SBF2: variants seen among roughly 807,000 people sequenced by gnomAD.
SBF2 encodes SET binding factor 2, also known as myotubularin-related protein 13.
A neutral mutation model predicts 225.2 loss-of-function variants in SBF2; 112 were observed. The ratio of observed to expected loss-of-function variants is 0.50; its 90% CI spans 0.43 to 0.58. The LOEUF (loss-of-function observed/expected upper bound fraction) is 0.58. Among genes scored for constraint, SBF2 ranks in the 20% least tolerant of loss-of-function variants. SBF2 has a pLI of 0.00. For missense variants in SBF2, 1,996 were observed against 2,206.2 expected (o/e 0.90, Z 1.91); for synonymous variants, 763 against 773.3 (o/e 0.99, Z 0.22).
chr11:10,002,807 T>C, intron 6 of SBF2, 118 bp from the exon 7 acceptor site: 5 of 916,852 alleles, frequency 5.5e-6, no homozygotes, highest in Non-Finnish European at 8.9e-6. Context: ...TGAAGGAAAA[T>C]ACTTGGTTAA....
chr11:10,196,867 T>TATATATATATA (rs1409393179), intron 1 of SBF2, among the ~76,000 whole-genome samples: 13 of 38,554 alleles, frequency 3.4e-4, no homozygotes, highest in African/African-American at 9.7e-4. Context: ...TATATATATA[T>TATATATATATA]TTTTTTTTTC....
At chr11:10,053,738 A>G (rs1412893804) in intron 2 of SBF2, among the ~76,000 whole-genome samples, 1 of 151,400 alleles carries the variant, frequency 6.6e-6, no homozygotes, top group Non-Finnish European at 1.5e-5. Flanking sequence ...CTTGGTGAAG[A>G]GTGAGACCTT....
At chr11:10,062,663 G>A (rs1182527785) in intron 2 of SBF2, among the ~76,000 whole-genome samples, 2 of 152,092 alleles carry the variant, frequency 1.3e-5, no homozygotes. Context: ...CAGTCAGAAC[G>A]GCTATATTAA....
intron 16 of SBF2, among the ~76,000 whole-genome samples, chr11:9,941,240 A>G (rs185766056): frequency 1.8e-4 from 27 of 152,308 alleles, no homozygotes; most frequent in African/African-American, 6.5e-4. Context: ...ACTTGAGCCC[A>G]TAAGTTTGAG....
intron 16 of SBF2, among the ~76,000 whole-genome samples, chr11:9,956,050 T>C (rs554992786): frequency 6.6e-6 from 1 of 152,264 alleles, no homozygotes; most frequent in East Asian, 1.9e-4. Context: ...TTTTTATTTT[T>C]GTACAGAATT....
At chr11:9,909,594 C>T (rs1053512986) in intron 16 of SBF2, among the ~76,000 whole-genome samples, 2 of 150,684 alleles carry the variant, frequency 1.3e-5, no homozygotes, top group African/African-American at 4.9e-5. Flanking sequence ...GGCATGAACC[C>T]GGGAGGTGGA....
intron 2 of SBF2, among the ~76,000 whole-genome samples, chr11:10,077,156 C>A (rs1287856286): frequency 4.6e-5 from 7 of 152,210 alleles, no homozygotes; most frequent in Admixed American, 1.3e-4. Context: ...TAAAAGAGGA[C>A]ACAAACAAAT....
chr11:10,251,020 T>G (rs1489675202), intron 1 of SBF2, among the ~76,000 whole-genome samples: 9 of 152,210 alleles, frequency 5.9e-5, no homozygotes, highest in Admixed American at 5.9e-4. Context: ...ATTTTTTCCT[T>G]ATTTATGCCT....
intron 1 of SBF2, among the ~76,000 whole-genome samples, chr11:10,208,696 AG>A (rs1347782752): frequency 6.6e-6 from 1 of 152,136 alleles, no homozygotes; most frequent in Non-Finnish European, 1.5e-5. Flanking sequence ...CAGAATATTT[AG>A]CCTCCCTTGA....
intron 16 of SBF2, among the ~76,000 whole-genome samples, chr11:9,950,341 G>C (rs1865787383): frequency 6.6e-6 from 1 of 152,122 alleles, no homozygotes; most frequent in South Asian, 2.1e-4. Context: ...CTGTTGAAAA[G>C]TTTCAAATGT....
At chr11:10,016,104 GC>G (rs199944837) in intron 6 of SBF2, among the ~76,000 whole-genome samples, 8,051 of 151,920 alleles carry the variant, frequency 0.053, 297 homozygotes, top group Middle Eastern at 0.16. Context: ...TGAACACTCT[GC>G]CCTATCCCAC....
At chr11:9,931,175 G>A (rs898854068) in intron 16 of SBF2, among the ~76,000 whole-genome samples, 6 of 152,244 alleles carry the variant, frequency 3.9e-5, no homozygotes, top group Admixed American at 1.3e-4. Flanking sequence ...CTGTGGGCAG[G>A]GCATAGCTGA....
At chr11:9,942,930 AGAAAGAAAGAAGGAAG>A (rs1865359298) in intron 16 of SBF2, among the ~76,000 whole-genome samples, 1 of 138,358 alleles carries the variant, frequency 7.2e-6, no homozygotes, top group African/African-American at 2.5e-5. Context: ...AAAGAAAGAA[AGAAAGAAAGAAGGAAG>A]GAACGAAGGA....
rs1853958405 is a variant in SBF2, at chr11:9,808,153, G to A, written c.4290C>T (p.Pro1430=). Residue 1430 remains proline (P), a synonymous_variant, in exon 32 of 40, where the codon CCC becomes CCT. Coordinates refer to ENST00000256190, the MANE Select transcript of SBF2 (RefSeq NM_030962.4). Reference sequence around the variant, plus strand: ...GGAAGCCTTCAAGTGTCCTATAAAAGGGATCACTGAGTAACTGAACCAGGG... The same window carrying A: ...GGAAGCCTTCAAGTGTCCTATAAAAAGGATCACTGAGTAACTGAACCAGGG... ...VTSLVQLLSD[P]FYRTLEGFQM... 6.2e-7 allele frequency: 1 copy of A among 1,614,070 alleles called. No homozygotes were observed. Among genetic ancestry groups the A allele is most frequent in the Non-Finnish European group, 8.5e-7 (1 of 1,179,994 alleles).
chr11:9,828,305 G>T, intron 28 of SBF2: 2 of 1,242,000 alleles, frequency 1.6e-6, no homozygotes, highest in Non-Finnish European at 2.1e-6. Flanking sequence ...TTCAGGTGTA[G>T]CATGTTTAAC....
intron 16 of SBF2, among the ~76,000 whole-genome samples, chr11:9,936,309 G>A (rs1198213503): frequency 6.6e-6 from 1 of 152,196 alleles, no homozygotes; most frequent in African/African-American, 2.4e-5. Flanking sequence ...AACAACAGAT[G>A]CTGGAGCGGA....
chr11:10,081,007 C>G (rs1417170987), intron 2 of SBF2, among the ~76,000 whole-genome samples: 17 of 152,176 alleles, frequency 1.1e-4, no homozygotes, highest in Non-Finnish European at 1.3e-4. Flanking sequence ...CAATACAATA[C>G]TAGTGGGGGA....
chr11:10,232,463 C>G (rs1958898681), intron 1 of SBF2, among the ~76,000 whole-genome samples: 1 of 152,124 alleles, frequency 6.6e-6, no homozygotes, highest in South Asian at 2.1e-4. Flanking sequence ...CCTCAGTACA[C>G]ATGTATTTTT....
intron 2 of SBF2, among the ~76,000 whole-genome samples, chr11:10,177,980 G>A (rs1297382925): frequency 6.8e-6 from 1 of 147,788 alleles, no homozygotes; most frequent in African/African-American, 2.5e-5. Context: ...GCATGGTACT[G>A]GTACCAAAAC....
Sources: allele counts gnomAD v4.1 joint callset (sites outside exome capture counted in the v4.1 genomes callset), GRCh38; gene constraint gnomAD v4.1.1; transcripts MANE v1.5; gene names NCBI Gene and HGNC (gene_info 2026-07-23, HGNC 2026-07-21).